PCM1: variants seen among roughly 807,000 people sequenced by gnomAD.
PCM1 encodes pericentriolar material 1 protein.
Under a neutral mutation model 241.9 loss-of-function variants are expected in PCM1, and 157 were observed. The ratio of observed to expected loss-of-function variants is 0.65; its 90% CI spans 0.57 to 0.74. The LOEUF is 0.74. PCM1 is among the 30% of genes least tolerant of loss of function. The pLI is 0.00. For missense variants in PCM1, 3,478 were observed against 2,360.1 expected (o/e 1.47, Z -9.81); for synonymous variants, 1,085 against 784.9 (o/e 1.38, Z -6.39).
At chr8:17,953,247 TAATA>T (rs949177102) in intron 9 of PCM1, 61 bp downstream of exon 9, 14 of 771,832 alleles carry the variant, frequency 1.8e-5, no homozygotes, top group Admixed American at 2.8e-5. Flanking sequence ...TACTGTCACA[TAATA>T]AATTTAGTAT....
At chr8:17,958,035 A>G (rs1248475142) in intron 13 of PCM1, among the ~76,000 whole-genome samples, 1 of 152,246 alleles carries the variant, frequency 6.6e-6, no homozygotes, top group Non-Finnish European at 1.5e-5. Flanking sequence ...GCAGCCATAC[A>G]TAATACATAA....
chr8:17,939,438 A>G (rs1032161048), intron 5 of PCM1, among the ~76,000 whole-genome samples: 1 of 152,166 alleles, frequency 6.6e-6, no homozygotes, highest in African/African-American at 2.4e-5. Context: ...TTTTTCAGAT[A>G]CTGTAGATTA....
intron 23 of PCM1, among the ~76,000 whole-genome samples, chr8:17,978,568 C>T (rs534230422): frequency 6.4e-4 from 97 of 152,048 alleles, no homozygotes; most frequent in Non-Finnish European, 9.4e-4. Context: ...AGTGGAATGA[C>T]GCTACACAGT....
intron 24 of PCM1, among the ~76,000 whole-genome samples, chr8:17,984,971 C>G (rs1466040549): frequency 6.6e-6 from 1 of 151,858 alleles, no homozygotes; most frequent in Admixed American, 6.6e-5. Flanking sequence ...GTAGACTATA[C>G]TGGATAGACC....
chr8:18,012,906 G>C lies in PCM1; in HGVS notation c.5512-1058G>C, dbSNP rs1038571860. Among the ~76,000 whole-genome samples, 5 of 151,742 alleles carry C rather than the reference G, an allele frequency of 3.3e-5. No individual in the cohort carries two copies. In the East Asian group the frequency reaches 7.7e-4, roughly 23 times the overall value. On this transcript the variant is annotated intron_variant, in intron 34 of 38. Transcript: ENST00000325083. ...CTGAACACTTTCTTTTTTTCTGATT[G>C]TTACTTTTTAATAGTGCCCTGTTAT...
chr8:17,963,398 T>C (rs1020995042), intron 17 of PCM1, 107 bp downstream of exon 17: 6 of 713,814 alleles, frequency 8.4e-6, no homozygotes, highest in Non-Finnish European at 1.3e-5. Context: ...AAATCTGCTA[T>C]TTCAGTGAGG....
rs34332429 is a variant in PCM1 at position 18,027,898 on chromosome 8, AT to A, written c.*243del. On this transcript the variant is annotated 3_prime_UTR_variant, in exon 39 of 39. Coordinates refer to ENST00000325083, the MANE Select transcript of PCM1 (RefSeq NM_006197.4). Reference sequence around the variant, plus strand: ...TTTCCCCCTTCTTTTTTGGGTCTTCATTTTTTTCCCCATTGTGATGTTTGGT... The same window carrying A: ...TTTCCCCCTTCTTTTTTGGGTCTTCATTTTTTCCCCATTGTGATGTTTGGT... The A allele has an allele frequency of 9.6e-5, 36 of 374,378 alleles. No individual in the cohort carries two copies. The highest frequency in any genetic ancestry group is 7.3e-4 in the African/African-American group (34 of 46,364). 23.2% of individuals were successfully genotyped at this position (374,378 alleles called of 1,614,324 possible).
intron 30 of PCM1, 133 bp downstream of exon 30, chr8:18,006,530 T>C (rs2091369351): frequency 3.3e-6 from 2 of 614,460 alleles, no homozygotes; most frequent in Non-Finnish European, 5.8e-6. Flanking sequence ...CCATTTGGGA[T>C]GATGTTGTAA....
intron 29 of PCM1, among the ~76,000 whole-genome samples, chr8:18,001,868 G>A (rs1284723289): frequency 1.3e-5 from 2 of 151,956 alleles, no homozygotes; most frequent in African/African-American, 4.8e-5. Flanking sequence ...TTACAGCTGA[G>A]AGGAAAAAGT....
chr8:17,926,262 G>A (rs947129419), intron 2 of PCM1: 2 of 152,100 alleles, frequency 1.3e-5, no homozygotes, highest in African/African-American at 2.4e-5. Context: ...TTTTCAATAG[G>A]AGATTTGGCC....
At chr8:17,956,204 C>G (rs762098257) in intron 10 of PCM1, among the ~76,000 whole-genome samples, 1 of 152,044 alleles carries the variant, frequency 6.6e-6, no homozygotes, top group Non-Finnish European at 1.5e-5. Context: ...AATCAAGAAC[C>G]TTCCATACAT....
In PCM1 at chr8:18,014,714, G is replaced by C. The variant is rs200999734; in HGVS notation, c.5715G>C (p.Pro1905=). ...VDSTQQPNPL[P]LRLPEMEPLV... ...CAACTCAACAGCCTAACCCTTTGCC[G>C]TTACGTTTACCTGAAATGGAACCCT... Residue 1905 remains proline (P), a synonymous_variant, in exon 36 of 39, where the codon CCG becomes CCC. Coordinates refer to ENST00000325083, the MANE Select transcript of PCM1 (RefSeq NM_006197.4). 1.2e-6 allele frequency: 2 copies of C among 1,613,216 alleles called. No homozygotes were observed. The highest frequency in any genetic ancestry group is 1.7e-6 in the Non-Finnish European group (2 of 1,179,812).
rs770164939 is a variant in PCM1 at position 17,955,627 on chromosome 8, C to T, written c.1446C>T (p.Gly482=). 1.4e-5 allele frequency: 22 copies of T among 1,612,758 alleles called. No individual in the cohort carries two copies. Among genetic ancestry groups the T allele is most frequent in the Non-Finnish European group, 1.6e-5 (19 of 1,179,010 alleles). Residue 482 remains glycine, a synonymous_variant, in exon 10 of 39, where the codon GGC becomes GGT. Coordinates refer to ENST00000325083, the MANE Select transcript of PCM1 (RefSeq NM_006197.4). The stretch of plus-strand genomic sequence containing the variant: ...CTCAGAATGAGAGTGAAAACGAAGG[C>T]CACCTCAATCCATCTGAAAAACTCC... ...LVSQNESENE[G]HLNPSEKLQK...
intron 2 of PCM1, among the ~76,000 whole-genome samples, chr8:17,929,408 C>G (rs866537604): frequency 6.6e-6 from 1 of 152,204 alleles, no homozygotes; most frequent in African/African-American, 2.4e-5. Context: ...TCCTCTGTCC[C>G]ACTTTTTGAG....
chr8:18,023,792 C>A (rs1415576944), intron 36 of PCM1, among the ~76,000 whole-genome samples: 1 of 152,234 alleles, frequency 6.6e-6, no homozygotes. Context: ...CCAGCAGCCA[C>A]TCACACGTCA....
chr8:17,986,120 T>G (rs375045981), intron 26 of PCM1, 33 bp downstream of exon 26: 13 of 1,400,358 alleles, frequency 9.3e-6, no homozygotes, highest in African/African-American at 1.5e-5. Flanking sequence ...ATTGTAGATA[T>G]AATTTTAGTA....
At chr8:17,954,129 A>G (rs1413315080) in intron 9 of PCM1, among the ~76,000 whole-genome samples, 1 of 152,164 alleles carries the variant, frequency 6.6e-6, no homozygotes, top group Non-Finnish European at 1.5e-5. Flanking sequence ...AAACACATGA[A>G]TACAACTAAG....
intron 4 of PCM1, among the ~76,000 whole-genome samples, chr8:17,937,829 A>G (rs535354198): frequency 6.3e-4 from 96 of 152,316 alleles, no homozygotes; most frequent in African/African-American, 2.0e-3. Flanking sequence ...ATGATAATAA[A>G]TTCTTGAGAG....
Position 17,972,626 on chromosome 8 carries a change from T to G in PCM1, c.3882T>G (p.Thr1294=). The G allele has an allele frequency of 6.3e-7, 1 of 1,581,612 alleles. No homozygotes were observed. Among genetic ancestry groups the G allele is most frequent in the South Asian group, 1.2e-5 (1 of 84,330 alleles). The change falls in exon 23 of 39, where the codon ACT becomes ACG. Residue 1294 remains threonine, a synonymous_variant. Coordinates refer to ENST00000325083, the MANE Select transcript of PCM1 (RefSeq NM_006197.4). ...CCAGCCTGGCATCTAAAGATAAAAC[T>G]CCCAAGTCAAAAAGTAAGAAGAGGA... is the stretch of plus-strand genomic sequence containing the variant. ...AQASLASKDK[T]PKSKSKKRNS... is the part of the protein sequence containing the mutation.
Sources: allele counts gnomAD v4.1 joint callset (sites outside exome capture counted in the v4.1 genomes callset), GRCh38; gene constraint gnomAD v4.1.1; transcripts MANE v1.5; gene names NCBI Gene and HGNC (gene_info 2026-07-23, HGNC 2026-07-21).